KIAA2012: variants seen among roughly 807,000 people sequenced by gnomAD.
The protein encoded by KIAA2012 is KIAA2012.
In KIAA2012, 125 loss-of-function variants were observed where a neutral mutation model predicts 150.6. The ratio of observed to expected loss-of-function variants is 0.83; its 90% CI spans 0.72 to 0.96. The LOEUF (loss-of-function observed/expected upper bound fraction) is 0.96, where lower values mean the gene tolerates loss of function less well. Among genes scored for constraint, KIAA2012 ranks in the 40% least tolerant of loss-of-function variants. The pLI is 0.00. For missense variants in KIAA2012, 1,219 were observed against 1,354.9 expected (o/e 0.90, Z 1.57); for synonymous variants, 462 against 504.7 (o/e 0.92, Z 1.13).
At position 202,202,011 on chromosome 2, in the gene KIAA2012, C is replaced by T; in HGVS notation, c.3408-418C>T. 5.2e-6 allele frequency: 3 copies of T among 577,498 alleles called. No homozygotes were observed. The South Asian group carries it at 6.5e-5, about 12-fold the overall frequency. The allele number at this position is 577,498 out of a possible 1,614,324, so 35.8% of individuals were successfully genotyped here. ...CTAGCGTTACCCAACGCCTGAGTGG[C>T]GCTGCCGCCGCAGTTTTTGTATTTT... On this transcript the variant is annotated intron_variant, in intron 22 of 23. Transcript: ENST00000498697.
chr2:202,124,144 G>A (rs1318300303), intron 11 of KIAA2012, among the ~76,000 whole-genome samples: 1 of 152,168 alleles, frequency 6.6e-6, no homozygotes, highest in Non-Finnish European at 1.5e-5. Flanking sequence ...AGCCAGCCAA[G>A]ATTGTGCCAT....
At chr2:202,083,728 A>C (rs1689501857) in intron 2 of KIAA2012, among the ~76,000 whole-genome samples, 1 of 136,960 alleles carries the variant, frequency 7.3e-6, no homozygotes, top group African/African-American at 2.7e-5. Context: ...AAATTGTTTA[A>C]TGACATATTG....
At chr2:202,094,703 G>C (rs1298471144) in intron 4 of KIAA2012, among the ~76,000 whole-genome samples, 1 of 151,966 alleles carries the variant, frequency 6.6e-6, no homozygotes, top group Admixed American at 6.6e-5. Flanking sequence ...ATTTTTTGTA[G>C]AGATGGGGTT....
intron 13 of KIAA2012, among the ~76,000 whole-genome samples, chr2:202,152,102 CT>C (rs1265063112): frequency 1.3e-5 from 2 of 152,158 alleles, no homozygotes; most frequent in Non-Finnish European, 1.5e-5. Flanking sequence ...AATTTTCTGA[CT>C]TTTTCTTCTC....
chr2:202,088,065 T>C (rs1306558966), intron 2 of KIAA2012, among the ~76,000 whole-genome samples: 1 of 152,090 alleles, frequency 6.6e-6, no homozygotes, highest in Admixed American at 6.6e-5. Flanking sequence ...TATAAGTTGC[T>C]AGAAACAATG....
intron 13 of KIAA2012, among the ~76,000 whole-genome samples, chr2:202,148,752 A>G (rs1691355876): frequency 6.6e-6 from 1 of 152,192 alleles, no homozygotes; most frequent in Non-Finnish European, 1.5e-5. Flanking sequence ...CCTTCCAGCC[A>G]GGGAAACCTA....
At chr2:202,130,231 C>T (rs944809726) in intron 12 of KIAA2012, among the ~76,000 whole-genome samples, 1 of 152,074 alleles carries the variant, frequency 6.6e-6, no homozygotes, top group Non-Finnish European at 1.5e-5. Context: ...GTCCAAAGAA[C>T]TCTCTCTCTT....
At chr2:202,130,142 G>A (rs981159357) in intron 12 of KIAA2012, among the ~76,000 whole-genome samples, 6 of 152,188 alleles carry the variant, frequency 3.9e-5, no homozygotes, top group African/African-American at 1.4e-4. Context: ...AAGTGAAGTG[G>A]TCTAACAATG....
chr2:202,181,169 C>T (rs1234372387), intron 15 of KIAA2012, among the ~76,000 whole-genome samples: 1 of 152,142 alleles, frequency 6.6e-6, no homozygotes, highest in Non-Finnish European at 1.5e-5. Context: ...AGGATCTCAC[C>T]ATGCTGCCCA....
intron 9 of KIAA2012, among the ~76,000 whole-genome samples, chr2:202,108,834 A>G (rs753564973): frequency 1.3e-5 from 2 of 152,212 alleles, no homozygotes; most frequent in Non-Finnish European, 2.9e-5. Context: ...ATAATTTGAG[A>G]CCACATGAAG....
In KIAA2012 at chr2:202,100,392, T is replaced by C; in HGVS notation, c.1098T>C (p.Pro366=). The change falls in exon 7 of 24, where the codon CCT becomes CCC. Residue 366 remains proline, a synonymous_variant. Coordinates refer to ENST00000498697, the MANE Select transcript of KIAA2012 (RefSeq NM_001277372.4). Reference sequence around the variant, plus strand: ...CTGCTGAAAGAAGCCTCTTCCCTCCTGTAGCATCTGCCACTGGCTCCAGAA... The same window carrying C: ...CTGCTGAAAGAAGCCTCTTCCCTCCCGTAGCATCTGCCACTGGCTCCAGAA... ...VLPAERSLFP[P]VASATGSRII... is the part of the protein sequence containing the mutation. 1.3e-6 allele frequency: 2 copies of C among 1,550,582 alleles called. No individual in the cohort carries two copies. The highest frequency in any genetic ancestry group is 4.9e-5 in the East Asian group (2 of 40,924).
intron 13 of KIAA2012, among the ~76,000 whole-genome samples, chr2:202,141,718 G>A (rs1220557364): frequency 2.0e-5 from 3 of 152,050 alleles, no homozygotes; most frequent in African/African-American, 7.2e-5. Context: ...TTGATTAAGG[G>A]AAATTAGTTC....
At chr2:202,132,747 A>ATATATAGTATATATAGTATATAT (rs373235755) in intron 12 of KIAA2012, among the ~76,000 whole-genome samples, 1 of 104,370 alleles carries the variant, frequency 9.6e-6, no homozygotes, top group African/African-American at 3.8e-5. Context: ...GTATATATAT[A>ATATATAGTATATATAGTATATAT]GTATATATGT....
chr2:202,113,363 A>G lies in KIAA2012; in HGVS notation c.1679A>G (p.His560Arg), dbSNP rs773482668. ...GATTCCAGCGACCCTACACTGGGAC[A>G]CTTCTTGCTGGGTCCAGATGGAGAA... ...QEDSSDPTLG[H>R]FLLGPDGEKV... The change falls in exon 11 of 24, where the codon CAC (histidine) becomes CGC (arginine). Residue 560 changes from histidine to arginine, a missense_variant. Transcript: ENST00000498697. The G allele has an allele frequency of 6.4e-7, 1 of 1,550,732 alleles. No homozygotes were observed. The highest frequency in any genetic ancestry group is 2.0e-5 in the Admixed American group (1 of 50,998).
chr2:202,188,278 T>C lies in KIAA2012; in HGVS notation c.2491+12T>C. ...AGAGGCTGCCATTGGTAAGAGAGTG[T>C]GCCTGCAAGTAACAACCTGGAGAAG... On this transcript the variant is annotated intron_variant, in intron 18 of 23. Coordinates refer to ENST00000498697, the MANE Select transcript of KIAA2012 (RefSeq NM_001277372.4). 6.5e-7 allele frequency: 1 copy of C among 1,543,798 alleles called. No individual in the cohort carries two copies. Among genetic ancestry groups the C allele is most frequent in the African/African-American group, 1.4e-5 (1 of 72,760 alleles).
intron 14 of KIAA2012, among the ~76,000 whole-genome samples, chr2:202,158,812 G>T (rs1034166265): frequency 6.6e-6 from 1 of 152,100 alleles, no homozygotes. Context: ...AATTATCAGG[G>T]TTAGGTCATG....
At chr2:202,099,554 A>G (rs1208358321) in intron 5 of KIAA2012, 59 bp from the exon 6 acceptor site, 8 of 1,398,554 alleles carry the variant, frequency 5.7e-6, no homozygotes, top group Non-Finnish European at 7.7e-6. Context: ...TGTTAAAGAA[A>G]CCTGCTCTGC....
chr2:202,136,713 G>C (rs937530385), intron 12 of KIAA2012: 1 of 152,394 alleles, frequency 6.6e-6, no homozygotes, highest in African/African-American at 2.4e-5. Context: ...GCTCCTGCCT[G>C]CGCCTCTCCC....
intron 7 of KIAA2012, 47 bp from the exon 8 acceptor site, chr2:202,102,898 AG>A: frequency 6.6e-7 from 1 of 1,515,632 alleles, no homozygotes; most frequent in African/African-American, 1.4e-5. Flanking sequence ...TGCAGGCAGC[AG>A]GGTTTGGATA....
Sources: gnomAD v4.1 joint callset for allele counts (sites outside exome capture counted in the v4.1 genomes callset) on GRCh38, gnomAD v4.1.1 for gene constraint, MANE v1.5 for transcripts, NCBI Gene and HGNC (gene_info 2026-07-23, HGNC 2026-07-21) for gene names.